SGCZ: variants seen among roughly 807,000 people sequenced by gnomAD.
The protein encoded by SGCZ is zeta-sarcoglycan.
A neutral mutation model predicts 41.3 loss-of-function variants in SGCZ; 40 were observed. That is an observed-to-expected ratio of 0.97 (90% CI 0.75 to 1.26). The LOEUF (loss-of-function observed/expected upper bound fraction) is 1.26. Ranked by LOEUF, SGCZ falls within the 50% of genes most tolerant of loss-of-function variation. SGCZ has a pLI of 0.00. For missense variants in SGCZ, 552 were observed against 369.8 expected (o/e 1.49, Z -4.04); for synonymous variants, 206 against 137.5 (o/e 1.50, Z -3.49).
intron 1 of SGCZ, among the ~76,000 whole-genome samples, chr8:15,112,063 GCT>G (rs1452177345): frequency 6.6e-6 from 1 of 152,148 alleles, no homozygotes; most frequent in African/African-American, 2.4e-5. Context: ...TCTCACTGTT[GCT>G]CTCTTTTTCT....
intron 1 of SGCZ, among the ~76,000 whole-genome samples, chr8:15,033,805 C>T (rs968253166): frequency 1.3e-5 from 2 of 152,108 alleles, no homozygotes; most frequent in African/African-American, 4.8e-5. Context: ...CCCATCTGTA[C>T]CAACCCAATC....
At chr8:15,127,446 A>C (rs1367914857) in intron 1 of SGCZ, among the ~76,000 whole-genome samples, 5 of 152,210 alleles carry the variant, frequency 3.3e-5, no homozygotes, top group Admixed American at 2.6e-4. Context: ...TAGACCAGAT[A>C]TAGAGAGCAG....
intron 2 of SGCZ, among the ~76,000 whole-genome samples, chr8:14,385,427 A>C (rs938343914): frequency 2.6e-5 from 4 of 152,208 alleles, no homozygotes; most frequent in Non-Finnish European, 5.9e-5. Context: ...TAGTAGTGGA[A>C]AAGTATATTA....
At chr8:14,249,259 A>G (rs974330800) in intron 3 of SGCZ, among the ~76,000 whole-genome samples, 1 of 152,128 alleles carries the variant, frequency 6.6e-6, no homozygotes, top group Non-Finnish European at 1.5e-5. Flanking sequence ...TTGAATTCAG[A>G]TCAGGAGTGG....
In SGCZ at chr8:14,376,951, C is replaced by G. The variant is rs182705282; in HGVS notation, c.235-52747G>C. On this transcript the variant is annotated intron_variant, in intron 2 of 7. Transcript: ENST00000382080. ...TTTAGTCTTTGTTCCTAGTTTCTAA[C>G]ACAGAACTTCTAAGCCCTCTGAATT... 2.9e-3 allele frequency among the ~76,000 whole-genome samples: 449 copies of G among 152,246 alleles called. 2 individuals carry two copies. Among genetic ancestry groups the G allele is most frequent in the African/African-American group, 0.01 (416 of 41,550 alleles).
At chr8:15,043,068 C>T (rs935001930) in intron 1 of SGCZ, among the ~76,000 whole-genome samples, 6 of 152,210 alleles carry the variant, frequency 3.9e-5, no homozygotes, top group African/African-American at 1.4e-4. Context: ...CATGGTAACA[C>T]TCTCCATCCA....
intron 1 of SGCZ, among the ~76,000 whole-genome samples, chr8:15,097,431 T>C (rs1282249932): frequency 6.6e-6 from 1 of 151,836 alleles, no homozygotes; most frequent in East Asian, 1.9e-4. Context: ...ACTTAAAACA[T>C]TTATTGCTGA....
intron 1 of SGCZ, among the ~76,000 whole-genome samples, chr8:15,082,679 G>T (rs759973445): frequency 2.6e-5 from 4 of 152,096 alleles, no homozygotes; most frequent in Non-Finnish European, 5.9e-5. Context: ...TTATTTGTCT[G>T]CAATTTACAT....
intron 1 of SGCZ, among the ~76,000 whole-genome samples, chr8:14,558,614 A>AGAGAGAGAGAGAC (rs1214772308): frequency 4.1e-5 from 2 of 49,346 alleles, no homozygotes; most frequent in Admixed American, 1.7e-4. Flanking sequence ...GAGAGAGAGA[A>AGAGAGAGAGAGAC]TCTTCCATAA....
chr8:14,156,144 T>A (rs1408680910), intron 5 of SGCZ, among the ~76,000 whole-genome samples: 1 of 152,096 alleles, frequency 6.6e-6, no homozygotes. Context: ...TTATAAACAC[T>A]GTGCATAGAG....
At chr8:14,222,359 G>A (rs564957912) in intron 4 of SGCZ, among the ~76,000 whole-genome samples, 5 of 151,940 alleles carry the variant, frequency 3.3e-5, no homozygotes, top group East Asian at 3.9e-4. Context: ...TAGTAGAAAC[G>A]GGGTTTCACT....
intron 4 of SGCZ, among the ~76,000 whole-genome samples, chr8:14,235,864 T>C (rs1211801310): frequency 1.3e-5 from 2 of 152,174 alleles, no homozygotes; most frequent in African/African-American, 2.4e-5. Context: ...TTTGTATTTT[T>C]AGTAGAGATG....
At chr8:14,389,205 T>A (rs879813737) in intron 2 of SGCZ, among the ~76,000 whole-genome samples, 1 of 151,894 alleles carries the variant, frequency 6.6e-6, no homozygotes, top group Non-Finnish European at 1.5e-5. Context: ...TACAGAGATA[T>A]AGAGACATAT....
chr8:14,518,867 GC>G (rs1425896326), intron 2 of SGCZ, among the ~76,000 whole-genome samples: 1 of 140,890 alleles, frequency 7.1e-6, no homozygotes, highest in Non-Finnish European at 1.5e-5. Flanking sequence ...GACCAGCCTG[GC>G]CAACATGGCG....
intron 1 of SGCZ, among the ~76,000 whole-genome samples, chr8:14,868,974 G>A (rs1804040353): frequency 6.6e-6 from 1 of 152,138 alleles, no homozygotes; most frequent in Admixed American, 6.5e-5. Flanking sequence ...AAAAGCCCAG[G>A]ACCAGACAGA....
At chr8:14,702,991 A>G (rs1211031426) in intron 1 of SGCZ, among the ~76,000 whole-genome samples, 8 of 151,392 alleles carry the variant, frequency 5.3e-5, no homozygotes, top group African/African-American at 1.9e-4. Flanking sequence ...ACAGACAGAT[A>G]GATTTATTTG....
chr8:14,324,176 T>C lies in SGCZ; in HGVS notation c.263A>G (p.Lys88Arg). 6.2e-7 allele frequency: 1 copy of C among 1,613,006 alleles called. No homozygotes were observed. The highest frequency in any genetic ancestry group is 8.5e-7 in the Non-Finnish European group (1 of 1,179,408). ...TATACCTTCAAGTCGGATTCCCTTC[T>C]TGGTGACTCTCAGATTTCCCATACC... Reference protein sequence around the residue: ...VDGMGNLRVTKKGIRLEGISE... With the variant: ...VDGMGNLRVTRKGIRLEGISE... The change falls in exon 3 of 8, where the codon AAG becomes AGG. Residue 88 changes from lysine (K) to arginine (R), a missense_variant. By Grantham distance (26) the Lys-to-Arg change is conservative. Coordinates refer to ENST00000382080, the MANE Select transcript of SGCZ (RefSeq NM_139167.4).
At chr8:14,732,050 G>T (rs1359328612) in intron 1 of SGCZ, among the ~76,000 whole-genome samples, 1 of 152,182 alleles carries the variant, frequency 6.6e-6, no homozygotes, top group Non-Finnish European at 1.5e-5. Flanking sequence ...ACAACTTGTT[G>T]AGCTTTCTCT....
chr8:14,978,990 G>C (rs1161817682), intron 1 of SGCZ, among the ~76,000 whole-genome samples: 1 of 152,050 alleles, frequency 6.6e-6, no homozygotes, highest in African/African-American at 2.4e-5. Context: ...ATACAGACTG[G>C]GTTTTGCCAT....
Sources: allele counts gnomAD v4.1 joint callset (sites outside exome capture counted in the v4.1 genomes callset), GRCh38; gene constraint gnomAD v4.1.1; transcripts MANE v1.5; gene names NCBI Gene and HGNC (gene_info 2026-07-23, HGNC 2026-07-21).